Variants in PTBP2 observed in about 807,000 individuals in gnomAD.
The protein encoded by PTBP2 is polypyrimidine tract binding protein 2.
In PTBP2, 13 loss-of-function variants were observed where a neutral mutation model predicts 61.4. The ratio of observed to expected loss-of-function variants is 0.21; its 90% CI spans 0.14 to 0.34. PTBP2 has a LOEUF of 0.34. Among genes scored for constraint, PTBP2 ranks in the 10% least tolerant of loss-of-function variants. The pLI, the probability that PTBP2 is intolerant of heterozygous loss-of-function variation, is 1.00. For synonymous variants in PTBP2, 215 were observed against 218.5 expected (o/e 0.98, Z 0.14); for missense variants, 405 against 642.6 (o/e 0.63, Z 4.00).
intron 5 of PTBP2, among the ~76,000 whole-genome samples, chr1:96,776,196 A>G (rs1658017714): frequency 6.6e-6 from 1 of 152,026 alleles, no homozygotes; most frequent in Admixed American, 6.5e-5. Context: ...GTTATTATAG[A>G]TAAATACAGT....
In PTBP2 at chr1:96,786,779, C is replaced by T. The variant is rs1009777602; in HGVS notation, c.904+1525C>T. 2.6e-5 allele frequency among the ~76,000 whole-genome samples: 4 copies of T among 152,086 alleles called. No homozygotes were observed. The South Asian group carries it at 8.3e-4, about 32-fold the overall frequency. On this transcript the variant is annotated intron_variant, in intron 8 of 13. Transcript: ENST00000674951. ...AAAGAAACAATTTAAAGATAAAATACCAAGAAACTCCAGCTAAAGATAAAA... is the reference window on the plus strand; with the variant it reads ...AAAGAAACAATTTAAAGATAAAATATCAAGAAACTCCAGCTAAAGATAAAA...
Position 96,813,092 on chromosome 1 carries a change from A to T in PTBP2, c.1452A>T (p.Ala484=). The change falls in exon 13 of 14, where the codon GCA becomes GCT. Residue 484 remains alanine, a synonymous_variant. Coordinates refer to ENST00000674951, the MANE Select transcript of PTBP2 (RefSeq NM_021190.4). ...LFANTGGTVK[A]FKFFQDHKMA... is the part of the protein sequence containing the mutation. ...CTAACACTGGGGGCACTGTGAAAGC[A>T]TTTAAGTTTTTTCAGTAAGCAAGCT... 6.2e-7 allele frequency: 1 copy of T among 1,611,136 alleles called. No individual in the cohort carries two copies. The highest frequency in any genetic ancestry group is 8.5e-7 in the Non-Finnish European group (1 of 1,178,428).
chr1:96,787,497 G>T (rs546464345), intron 8 of PTBP2, among the ~76,000 whole-genome samples: 1 of 152,184 alleles, frequency 6.6e-6, no homozygotes, highest in African/African-American at 2.4e-5. Flanking sequence ...AAAGTGTTTA[G>T]CCTTTCCTAA....
At chr1:96,757,944 A>G (rs1321679769) in intron 3 of PTBP2, among the ~76,000 whole-genome samples, 2 of 152,060 alleles carry the variant, frequency 1.3e-5, no homozygotes. Flanking sequence ...CTATATTACA[A>G]AAAAAGGTTT....
At chr1:96,804,394 C>G (rs904367083) in intron 8 of PTBP2, among the ~76,000 whole-genome samples, 1 of 150,906 alleles carries the variant, frequency 6.6e-6, no homozygotes, top group African/African-American at 2.4e-5. Context: ...ATAGCACTTG[C>G]GGAAAAAAGT....
At chr1:96,768,825 A>G (rs1427736922) in intron 3 of PTBP2, among the ~76,000 whole-genome samples, 2 of 152,112 alleles carry the variant, frequency 1.3e-5, no homozygotes, top group South Asian at 2.1e-4. Context: ...GGCAATAGTA[A>G]TATATCAGGA....
intron 8 of PTBP2, among the ~76,000 whole-genome samples, chr1:96,800,784 C>G (rs187089746): frequency 5.3e-5 from 8 of 151,886 alleles, no homozygotes; most frequent in African/African-American, 1.9e-4. Context: ...TCTCAATTAC[C>G]ATTATAAATT....
chr1:96,764,618 T>C (rs1318975583), intron 3 of PTBP2, among the ~76,000 whole-genome samples: 1 of 152,226 alleles, frequency 6.6e-6, no homozygotes, highest in Non-Finnish European at 1.5e-5. Context: ...TAGAACTCTT[T>C]TAAGATTTTC....
At chr1:96,762,460 C>T (rs1311495988) in intron 3 of PTBP2, among the ~76,000 whole-genome samples, 2 of 143,866 alleles carry the variant, frequency 1.4e-5, no homozygotes, top group East Asian at 2.2e-4. Context: ...CCCCCCACCT[C>T]CCTCCCGGAC....
chr1:96,776,470 T>C (rs140077328), intron 5 of PTBP2, among the ~76,000 whole-genome samples: 49 of 152,152 alleles, frequency 3.2e-4, no homozygotes, highest in Non-Finnish European at 4.4e-4. Flanking sequence ...TAGATATATA[T>C]CTGGACTCTC....
At chr1:96,810,277 T>C (rs936179900) in intron 11 of PTBP2, among the ~76,000 whole-genome samples, 7 of 152,236 alleles carry the variant, frequency 4.6e-5, no homozygotes, top group African/African-American at 1.7e-4. Context: ...ATAGGAGAGT[T>C]CAAGTGTAAG....
chr1:96,733,040 A>G (rs898243366), intron 2 of PTBP2, among the ~76,000 whole-genome samples: 2 of 131,122 alleles, frequency 1.5e-5, no homozygotes, highest in East Asian at 2.2e-4. Flanking sequence ...TTTTTTTGCT[A>G]TAGCAAATTT....
rs1650119070 is a variant in PTBP2 at position 96,724,621 on chromosome 1, C to T, written c.39+1027C>T. Reference sequence around the variant, plus strand: ...TGTCCTGAGAGGCTTTCTGCTTAGTCCAGTGATGCTGACTGTTCAAACATT... The same window carrying T: ...TGTCCTGAGAGGCTTTCTGCTTAGTTCAGTGATGCTGACTGTTCAAACATT... On this transcript the variant is annotated intron_variant, in intron 2 of 13. Transcript: ENST00000674951. 2.0e-5 allele frequency among the ~76,000 whole-genome samples: 3 copies of T among 148,604 alleles called. No homozygotes were observed. The South Asian group carries it at 6.3e-4, about 31-fold the overall frequency.
At chr1:96,798,907 A>G (rs1334927913) in intron 8 of PTBP2, among the ~76,000 whole-genome samples, 1 of 152,214 alleles carries the variant, frequency 6.6e-6, no homozygotes, top group Non-Finnish European at 1.5e-5. Flanking sequence ...TACAATTTCT[A>G]AATGATTTAA....
At chr1:96,756,672 G>T (rs1032012097) in intron 3 of PTBP2, among the ~76,000 whole-genome samples, 13 of 150,990 alleles carry the variant, frequency 8.6e-5, no homozygotes, top group Non-Finnish European at 1.5e-4. Flanking sequence ...CTAAATAAAA[G>T]AAGCCACTCT....
chr1:96,753,998 G>A (rs1654875185), intron 3 of PTBP2, among the ~76,000 whole-genome samples: 1 of 152,138 alleles, frequency 6.6e-6, no homozygotes, highest in South Asian at 2.1e-4. Context: ...AGATAGTAAT[G>A]ACTGAGAACT....
intron 4 of PTBP2, among the ~76,000 whole-genome samples, 170 bp from the exon 5 acceptor site, chr1:96,770,538 T>C (rs1657258627): frequency 6.6e-6 from 1 of 152,042 alleles, no homozygotes; most frequent in Non-Finnish European, 1.5e-5. Flanking sequence ...TAGCTTTAAC[T>C]GTATACCTAA....
chr1:96,768,955 G>C (rs1482323789), intron 3 of PTBP2, among the ~76,000 whole-genome samples: 1 of 151,708 alleles, frequency 6.6e-6, no homozygotes. Flanking sequence ...TAATTTCTCA[G>C]GTAAAATTAT....
At chr1:96,758,424 C>A (rs1039556380) in intron 3 of PTBP2, among the ~76,000 whole-genome samples, 1 of 152,020 alleles carries the variant, frequency 6.6e-6, no homozygotes, top group Admixed American at 6.5e-5. Flanking sequence ...TAACTGACAG[C>A]AAAACCTGAC....
Sources: gnomAD v4.1 joint callset for allele counts (sites outside exome capture counted in the v4.1 genomes callset) on GRCh38, gnomAD v4.1.1 for gene constraint, MANE v1.5 for transcripts, NCBI Gene and HGNC (gene_info 2026-07-23, HGNC 2026-07-21) for gene names.